The following GJA3 variants were observed in gnomAD, a reference collection of about 807,000 sequenced individuals.
The protein encoded by GJA3 is gap junction alpha-3 protein.
For synonymous variants in GJA3, 297 were observed against 292.6 expected, an observed-to-expected ratio of 1.02 and a Z score of -0.15; for missense variants, 571 against 620.3, an observed-to-expected ratio of 0.92 and a Z score of 0.84.
rs1193552557 is a variant in GJA3, at chr13:20,139,763, C to G, written c.*2218G>C. 1.3e-5 allele frequency: 2 copies of G among 152,138 alleles called. No individual in the cohort carries two copies. Among genetic ancestry groups the G allele is most frequent in the Non-Finnish European group, 2.9e-5 (2 of 68,028 alleles). The allele number at this position is 152,138 out of a possible 1,614,324, so 9.4% of individuals were successfully genotyped here. A position where few individuals can be genotyped will look rare whatever the true frequency, so the allele number is the denominator to read the frequency against. On this transcript the variant is annotated 3_prime_UTR_variant, in exon 2 of 2. Coordinates refer to ENST00000241125, the MANE Select transcript of GJA3 (RefSeq NM_021954.4). The stretch of plus-strand genomic sequence containing the variant: ...TCCATAAACATATTGTGACTAAATT[C>G]AATTTTAAAATGTAAAAACTAGATA...
upstream of GJA3, among the ~76,000 whole-genome samples, chr13:20,161,228 G>T (rs1023396475): frequency 6.6e-6 from 1 of 152,108 alleles, no homozygotes; most frequent in African/African-American, 2.4e-5. Flanking sequence ...TACCCCGCGC[G>T]CACGTCCATG....
intron 1 of GJA3, among the ~76,000 whole-genome samples, chr13:20,152,239 G>A (rs1486155013): frequency 6.6e-6 from 1 of 152,112 alleles, no homozygotes; most frequent in Non-Finnish European, 1.5e-5. Flanking sequence ...AGCATCCAGA[G>A]GGTGAGCACA....
rs1337465578 is a variant in GJA3, at chr13:20,139,936, T to G, written c.*2045A>C. On this transcript the variant is annotated 3_prime_UTR_variant, in exon 2 of 2. Coordinates refer to ENST00000241125, the MANE Select transcript of GJA3 (RefSeq NM_021954.4). ...ACTTGTACTTGAGCTGTACTTGTGC[T>G]CTTGGATGATTGCTATTGCATTTTC... 1 of 152,228 alleles carries G rather than the reference T, an allele frequency of 6.6e-6. No individual in the cohort carries two copies. Among genetic ancestry groups the G allele is most frequent in the Admixed American group, 6.5e-5 (1 of 15,284 alleles). The allele number at this position is 152,228 out of a possible 1,614,324, so 9.4% of individuals were successfully genotyped here. A position where few individuals can be genotyped will look rare whatever the true frequency, so the allele number is the denominator to read the frequency against.
chr13:20,157,762 T>A (rs1448771274), intron 1 of GJA3, among the ~76,000 whole-genome samples: 4 of 152,258 alleles, frequency 2.6e-5, no homozygotes, highest in African/African-American at 9.6e-5. Flanking sequence ...GCTTTCACTT[T>A]TTTTTTCCAG....
At chr13:20,143,379 A>T in intron 1 of GJA3, 74 bp from the exon 2 acceptor site, 1 of 1,065,168 alleles carries the variant, frequency 9.4e-7, no homozygotes, top group Non-Finnish European at 1.3e-6. Context: ...GGGCGGCGGC[A>T]GCGGCCTGGA....
At chr13:20,153,926 G>T (rs73154191) in intron 1 of GJA3, among the ~76,000 whole-genome samples, 13,138 of 152,120 alleles carry the variant, frequency 0.086, 665 homozygotes, top group Non-Finnish European at 0.12. Context: ...GTTTCACACT[G>T]ACAGAACATA....
chr13:20,142,638 G>T lies in GJA3; in HGVS notation c.651C>A (p.Leu217=). 2 of 1,613,470 alleles carry T rather than the reference G, an allele frequency of 1.2e-6. No individual in the cohort carries two copies. Among genetic ancestry groups the T allele is most frequent in the Non-Finnish European group, 1.7e-6 (2 of 1,179,916 alleles). ...CCAGGTGGTAGATCTCCAGCATGTT[G>T]AGCAGCAGGGACGCGCAGGCCACCG... is the stretch of plus-strand genomic sequence containing the variant. The part of the protein sequence containing the change: ...MLAVACASLL[L]NMLEIYHLGW... Residue 217 remains leucine (L), a synonymous_variant, in exon 2 of 2, where the codon CTC becomes CTA. Coordinates refer to ENST00000241125, the MANE Select transcript of GJA3 (RefSeq NM_021954.4).
chr13:20,150,515 A>G (rs1958870846), intron 1 of GJA3, among the ~76,000 whole-genome samples: 1 of 152,228 alleles, frequency 6.6e-6, no homozygotes, highest in African/African-American at 2.4e-5. Flanking sequence ...AGAAGGCCAC[A>G]GGCTTAGATT....
chr13:20,160,453 G>A (rs914878870), intron 1 of GJA3, among the ~76,000 whole-genome samples: 2 of 152,204 alleles, frequency 1.3e-5, no homozygotes, highest in Admixed American at 6.5e-5. Flanking sequence ...TAGCTGGCGC[G>A]GTGACATCTG....
At chr13:20,152,373 T>A (rs531690669) in intron 1 of GJA3, among the ~76,000 whole-genome samples, 1 of 152,130 alleles carries the variant, frequency 6.6e-6, no homozygotes, top group Non-Finnish European at 1.5e-5. Context: ...CATAATATCA[T>A]ATTGACAATT....
In GJA3 at chr13:20,139,570, G is replaced by C. The variant is rs1242706172; in HGVS notation, c.*2411C>G. On this transcript the variant is annotated 3_prime_UTR_variant, in exon 2 of 2. Coordinates refer to ENST00000241125, the MANE Select transcript of GJA3 (RefSeq NM_021954.4). ...TGAAACATGCGTTCATTTCTTACAT[G>C]AACTGAAATCAGTATGCTAACCTGA... The C allele has an allele frequency of 1.3e-5, 2 of 152,124 alleles. No individual in the cohort carries two copies. The highest frequency in any genetic ancestry group is 2.9e-5 in the Non-Finnish European group (2 of 68,020). 9.4% of individuals were successfully genotyped at this position (152,124 alleles called of 1,614,324 possible). A position where few individuals can be genotyped will look rare whatever the true frequency, so the allele number is the denominator to read the frequency against.
At chr13:20,152,880 G>A (rs949040525) in intron 1 of GJA3, among the ~76,000 whole-genome samples, 1 of 151,652 alleles carries the variant, frequency 6.6e-6, no homozygotes, top group Non-Finnish European at 1.5e-5. Flanking sequence ...GTTTGGTACA[G>A]GGCAATGGTG....
chr13:20,159,089 TAG>T (rs1958922575), intron 1 of GJA3, among the ~76,000 whole-genome samples: 1 of 152,048 alleles, frequency 6.6e-6, no homozygotes, highest in Non-Finnish European at 1.5e-5. Context: ...TACTGTTTTT[TAG>T]AGACATATAT....
chr13:20,160,013 A>T (rs1958928127), intron 1 of GJA3, among the ~76,000 whole-genome samples: 1 of 152,196 alleles, frequency 6.6e-6, no homozygotes, highest in South Asian at 2.1e-4. Flanking sequence ...GTATAGAATC[A>T]TTTTTAAATG....
At chr13:20,148,978 T>G (rs1255268119) in intron 1 of GJA3, among the ~76,000 whole-genome samples, 1 of 152,242 alleles carries the variant, frequency 6.6e-6, no homozygotes, top group Non-Finnish European at 1.5e-5. Context: ...AGTGAAAACC[T>G]TGATTCTTAG....
rs377674516 is a variant in GJA3, at chr13:20,155,328, A to G, written c.-18+5562T>C. 1.4e-4 allele frequency among the ~76,000 whole-genome samples: 21 copies of G among 152,314 alleles called. No homozygotes were observed. In the South Asian group the frequency reaches 3.5e-3, roughly 26 times the overall value. On this transcript the variant is annotated intron_variant, in intron 1 of 1. Coordinates refer to ENST00000241125, the MANE Select transcript of GJA3 (RefSeq NM_021954.4). ...AAAATTATCTGAATAAGCTCATATA[A>G]GAATCTCCTATAGAAGAGTTTGGGA...
At chr13:20,148,700 G>A (rs1167969412) in intron 1 of GJA3, among the ~76,000 whole-genome samples, 1 of 152,240 alleles carries the variant, frequency 6.6e-6, no homozygotes, top group Non-Finnish European at 1.5e-5. Context: ...CAGAGGCTGA[G>A]GTCAGGCAAG....
intron 1 of GJA3, among the ~76,000 whole-genome samples, chr13:20,150,007 G>A (rs1233563220): frequency 6.6e-6 from 1 of 152,118 alleles, no homozygotes; most frequent in East Asian, 1.9e-4. Context: ...ACAGGCAGAC[G>A]AATGGAAAAA....
In GJA3 at chr13:20,140,023, TCA is replaced by T. The variant is rs1459963644; in HGVS notation, c.*1956_*1957del. 6.6e-6 allele frequency: 1 copy of T among 152,154 alleles called. No homozygotes were observed. The highest frequency in any genetic ancestry group is 1.5e-5 in the Non-Finnish European group (1 of 68,034). 9.4% of individuals were successfully genotyped at this position (152,154 alleles called of 1,614,324 possible). ...CACTAGGATCTTCTAGCAGCCCTTATCACTCACAAGAACTAAGTCCTGCTGCC... is the reference window on the plus strand; with the variant it reads ...CACTAGGATCTTCTAGCAGCCCTTATCTCACAAGAACTAAGTCCTGCTGCC... On this transcript the variant is annotated 3_prime_UTR_variant, in exon 2 of 2. Coordinates refer to ENST00000241125, the MANE Select transcript of GJA3 (RefSeq NM_021954.4).
Sources: gnomAD v4.1 joint callset for allele counts (sites outside exome capture counted in the v4.1 genomes callset) on GRCh38, gnomAD v4.1.1 for gene constraint, MANE v1.5 for transcripts, NCBI Gene and HGNC (gene_info 2026-07-23, HGNC 2026-07-21) for gene names.